Variants in DGKB observed in about 807,000 individuals in gnomAD.
The protein encoded by DGKB is diacylglycerol kinase beta.
A neutral mutation model predicts 114.3 loss-of-function variants in DGKB; 67 were observed. That is an observed-to-expected ratio of 0.59 (90% CI 0.48 to 0.72). DGKB has a LOEUF of 0.72. Ranked by LOEUF, DGKB falls within the 30% of genes least tolerant of loss-of-function variation. The probability of loss-of-function intolerance (pLI) is 0.00; values close to 1 mark genes in which losing one functional copy is unlikely to be tolerated. For synonymous variants in DGKB, 398 were observed against 323.1 expected (o/e 1.23, Z -2.49); for missense variants, 907 against 975.2 (o/e 0.93, Z 0.93).
At chr7:14,824,494 G>A (rs1241765555) in intron 2 of DGKB, among the ~76,000 whole-genome samples, 2 of 152,020 alleles carry the variant, frequency 1.3e-5, no homozygotes, top group Non-Finnish European at 2.9e-5. Flanking sequence ...TAGATATTTT[G>A]TGAAATGAAA....
At chr7:14,271,569 T>A (rs1047029124) in intron 23 of DGKB, among the ~76,000 whole-genome samples, 12 of 152,188 alleles carry the variant, frequency 7.9e-5, no homozygotes, top group African/African-American at 2.9e-4. Context: ...GCAACCAAAC[T>A]TAGGATCCCA....
chr7:14,211,338 ATTT>A lies in DGKB; in HGVS notation c.2123-33190_2123-33188del, dbSNP rs1282027042. On this transcript the variant is annotated intron_variant, in intron 23 of 25. Transcript: ENST00000402815. ...GTGATATTTACTCTCATGTTTTGTG[ATTT>A]TACTCTCATGTTTTGTGATATTTAC... Among the ~76,000 whole-genome samples, 19 of 82,286 alleles carry A rather than the reference ATTT, an allele frequency of 2.3e-4. 1 individual carries two copies. The highest frequency in any genetic ancestry group is 3.9e-4 in the Admixed American group (3 of 7,772). 54.0% of individuals were successfully genotyped at this position (82,286 alleles called of 152,430 possible).
At chr7:14,813,798 T>C (rs531173427) in intron 2 of DGKB, among the ~76,000 whole-genome samples, 2 of 152,312 alleles carry the variant, frequency 1.3e-5, no homozygotes, top group South Asian at 2.1e-4. Context: ...TTAACTTCAG[T>C]AGTTATGATC....
intron 23 of DGKB, among the ~76,000 whole-genome samples, chr7:14,255,950 C>A (rs978597944): frequency 6.6e-6 from 1 of 152,106 alleles, no homozygotes; most frequent in African/African-American, 2.4e-5. Flanking sequence ...GTCCTATATT[C>A]TTGACCTTTC....
chr7:14,250,087 T>G (rs1795006631), intron 23 of DGKB, among the ~76,000 whole-genome samples: 1 of 151,318 alleles, frequency 6.6e-6, no homozygotes, highest in African/African-American at 2.4e-5. Flanking sequence ...CCCAAGTAGC[T>G]GGGACTACAG....
chr7:14,678,412 G>A (rs568109060), intron 12 of DGKB, among the ~76,000 whole-genome samples: 1 of 152,098 alleles, frequency 6.6e-6, no homozygotes, highest in African/African-American at 2.4e-5. Flanking sequence ...GTTTCCTAAG[G>A]TATGATTAGA....
chr7:14,819,551 C>T (rs926588471), intron 2 of DGKB, among the ~76,000 whole-genome samples: 3 of 152,120 alleles, frequency 2.0e-5, no homozygotes, highest in Non-Finnish European at 4.4e-5. Flanking sequence ...GATCACACCA[C>T]TGCACTCCAG....
At chr7:14,634,714 G>T (rs1810410676) in intron 13 of DGKB, among the ~76,000 whole-genome samples, 1 of 151,476 alleles carries the variant, frequency 6.6e-6, no homozygotes, top group South Asian at 2.1e-4. Context: ...TAGCTGGACA[G>T]GTAAAGTTGT....
intron 13 of DGKB, among the ~76,000 whole-genome samples, chr7:14,646,253 C>CA (rs1399888485): frequency 1.3e-5 from 2 of 151,814 alleles, no homozygotes; most frequent in Non-Finnish European, 2.9e-5. Flanking sequence ...GACTTTAAGT[C>CA]AAAAAACATA....
At chr7:14,766,145 C>G (rs569594112) in intron 2 of DGKB, among the ~76,000 whole-genome samples, 1 of 152,064 alleles carries the variant, frequency 6.6e-6, no homozygotes, top group East Asian at 1.9e-4. Flanking sequence ...ATCATTCTTT[C>G]AAATATTCTC....
chr7:14,423,375 T>C (rs1288686950), intron 21 of DGKB, among the ~76,000 whole-genome samples: 2 of 152,084 alleles, frequency 1.3e-5, no homozygotes. Flanking sequence ...AAGTTAGCAA[T>C]ATTAATTACT....
At chr7:14,716,963 C>G (rs898512065) in intron 6 of DGKB, among the ~76,000 whole-genome samples, 1 of 150,776 alleles carries the variant, frequency 6.6e-6, no homozygotes, top group Non-Finnish European at 1.5e-5. Context: ...AAAGGCAATG[C>G]ATCTAGTGTA....
At chr7:14,822,004 TC>T (rs1254468686) in intron 2 of DGKB, among the ~76,000 whole-genome samples, 1 of 152,116 alleles carries the variant, frequency 6.6e-6, no homozygotes, top group Admixed American at 6.6e-5. Context: ...AACTTTATTT[TC>T]CCCCAAAGTT....
chr7:14,225,714 A>C (rs1474120130), intron 23 of DGKB, among the ~76,000 whole-genome samples: 1 of 151,462 alleles, frequency 6.6e-6, no homozygotes, highest in African/African-American at 2.4e-5. Context: ...ATTTTTAAAA[A>C]GTGATAGAGA....
chr7:14,411,372 T>A (rs1824854198), intron 21 of DGKB, among the ~76,000 whole-genome samples: 1 of 152,220 alleles, frequency 6.6e-6, no homozygotes, highest in Non-Finnish European at 1.5e-5. Context: ...AGCATTTGTA[T>A]CTTCTAATGG....
At chr7:14,397,753 T>A (rs1822468576) in intron 21 of DGKB, among the ~76,000 whole-genome samples, 1 of 152,120 alleles carries the variant, frequency 6.6e-6, no homozygotes, top group Non-Finnish European at 1.5e-5. Flanking sequence ...TTCTTAGCTT[T>A]CATGCAAAAA....
At chr7:14,449,953 A>G (rs1831243517) in intron 21 of DGKB, among the ~76,000 whole-genome samples, 1 of 152,104 alleles carries the variant, frequency 6.6e-6, no homozygotes, top group Non-Finnish European at 1.5e-5. Context: ...TAGTGTGGAA[A>G]GTAAACAAAG....
intron 1 of DGKB, among the ~76,000 whole-genome samples, chr7:14,931,467 T>G (rs1785016561): frequency 6.6e-6 from 1 of 152,172 alleles, no homozygotes. Flanking sequence ...TATTGGTTTG[T>G]AGGGTTTTAT....
At position 14,801,926 on chromosome 7, in the gene DGKB, A is replaced by ATACACACACACC. The variant is rs397942452; in HGVS notation, c.70+39267_70+39268insGGTGTGTGTGTA. On this transcript the variant is annotated intron_variant, in intron 2 of 25. Transcript: ENST00000402815. ...CACATATACACACATATATACATAT[A>ATACACACACACC]CACACACACACACACACACACGCAC... Among the ~76,000 whole-genome samples, 19 of 61,122 alleles carry ATACACACACACC rather than the reference A, an allele frequency of 3.1e-4. No homozygotes were observed. In the African/African-American group the frequency reaches 5.2e-3, roughly 17 times the overall value. The allele number at this position is 61,122 out of a possible 152,430, so 40.1% of individuals were successfully genotyped here. A position where few individuals can be genotyped will look rare whatever the true frequency, so the allele number is the denominator to read the frequency against.
Sources: gnomAD v4.1 joint callset for allele counts (sites outside exome capture counted in the v4.1 genomes callset) on GRCh38, gnomAD v4.1.1 for gene constraint, MANE v1.5 for transcripts, NCBI Gene and HGNC (gene_info 2026-07-23, HGNC 2026-07-21) for gene names.